KCNIP4: variants seen among roughly 807,000 people sequenced by gnomAD.
KCNIP4 encodes the protein potassium voltage-gated channel interacting protein 4, also known as Kv channel-interacting protein 4.
In KCNIP4, 12 loss-of-function variants were observed where a neutral mutation model predicts 34.0. The ratio of observed to expected loss-of-function variants is 0.35; its 90% CI spans 0.23 to 0.57. The LOEUF (loss-of-function observed/expected upper bound fraction) is 0.57. Among genes scored for constraint, KCNIP4 ranks in the 20% least tolerant of loss-of-function variants. The pLI, the probability that KCNIP4 is intolerant of heterozygous loss-of-function variation, is 0.83. For missense variants in KCNIP4, 238 were observed against 311.7 expected (o/e 0.76, Z 1.78); for synonymous variants, 124 against 102.2 (o/e 1.21, Z -1.29).
chr4:21,116,548 C>T (rs982815558), intron 1 of KCNIP4, among the ~76,000 whole-genome samples: 2 of 152,284 alleles, frequency 1.3e-5, no homozygotes, highest in Non-Finnish European at 1.5e-5. Context: ...TTATGCCTTC[C>T]GTTTTTTTCT....
intron 1 of KCNIP4, among the ~76,000 whole-genome samples, chr4:21,293,862 C>G (rs1206176030): frequency 6.6e-6 from 1 of 152,126 alleles, no homozygotes; most frequent in African/African-American, 2.4e-5. Context: ...GTAGCTTAAT[C>G]TTCATTTACT....
intron 1 of KCNIP4, among the ~76,000 whole-genome samples, chr4:21,904,518 A>G (rs560696482): frequency 6.6e-6 from 1 of 152,302 alleles, no homozygotes; most frequent in African/African-American, 2.4e-5. Context: ...GGCTGATTGA[A>G]CCAGTGTCTC....
chr4:20,754,364 A>G (rs1352982880), intron 4 of KCNIP4, among the ~76,000 whole-genome samples: 1 of 152,176 alleles, frequency 6.6e-6, no homozygotes, highest in Non-Finnish European at 1.5e-5. Context: ...GTTGTGATTT[A>G]TGGACCCATC....
At chr4:20,927,750 G>A (rs761244961) in intron 1 of KCNIP4, among the ~76,000 whole-genome samples, 7 of 151,990 alleles carry the variant, frequency 4.6e-5, no homozygotes, top group Non-Finnish European at 7.4e-5. Flanking sequence ...AATATGTGTC[G>A]GGTTTAGTCA....
intron 7 of KCNIP4, among the ~76,000 whole-genome samples, chr4:20,732,358 T>C (rs1748521970): frequency 6.6e-6 from 1 of 152,196 alleles, no homozygotes; most frequent in Non-Finnish European, 1.5e-5. Context: ...GCTGAAACTT[T>C]CAGAGCTTGC....
At chr4:21,121,141 G>A (rs1485108005) in intron 1 of KCNIP4, among the ~76,000 whole-genome samples, 1 of 152,186 alleles carries the variant, frequency 6.6e-6, no homozygotes, top group Non-Finnish European at 1.5e-5. Flanking sequence ...GGGCAAGGCA[G>A]GAGACATTAC....
chr4:21,166,907 C>T (rs890424040), intron 1 of KCNIP4, among the ~76,000 whole-genome samples: 1 of 129,170 alleles, frequency 7.7e-6, no homozygotes, highest in African/African-American at 3.1e-5. Context: ...CCATTGCACT[C>T]CAGCCTGGGG....
At chr4:21,362,778 T>C (rs75995845) in intron 1 of KCNIP4, among the ~76,000 whole-genome samples, 1 of 152,236 alleles carries the variant, frequency 6.6e-6, no homozygotes, top group East Asian at 1.9e-4. Flanking sequence ...GTATATTGTT[T>C]AACTGAAGGA....
At chr4:21,429,127 G>A (rs1028404812) in intron 1 of KCNIP4, among the ~76,000 whole-genome samples, 22 of 152,068 alleles carry the variant, frequency 1.4e-4, no homozygotes, top group Admixed American at 8.5e-4. Flanking sequence ...TCTGTGCGCC[G>A]CCTATTCATT....
At chr4:21,899,114 T>C (rs1727565768) in intron 1 of KCNIP4, among the ~76,000 whole-genome samples, 1 of 152,196 alleles carries the variant, frequency 6.6e-6, no homozygotes, top group Non-Finnish European at 1.5e-5. Flanking sequence ...ATCCCAGGGA[T>C]GCAAGGATAG....
At chr4:21,108,833 G>T (rs550007224) in intron 1 of KCNIP4, among the ~76,000 whole-genome samples, 9 of 152,186 alleles carry the variant, frequency 5.9e-5, no homozygotes, top group Non-Finnish European at 1.3e-4. Context: ...ACCCTCAGCT[G>T]CAGGTCTGTT....
rs186299335 is a variant in KCNIP4, at chr4:20,831,689, G to A, written c.288+18854C>T. On this transcript the variant is annotated intron_variant, in intron 3 of 8. Coordinates refer to ENST00000382152, the MANE Select transcript of KCNIP4 (RefSeq NM_025221.6). ...TAACATTTATTAATGATAATACAAA[G>A]TATATTCAGTAATAGGCTTGCCTTC... Among the ~76,000 whole-genome samples the A allele has an allele frequency of 5.5e-3, 836 of 152,256 alleles. 5 individuals are homozygous for A. Among genetic ancestry groups the A allele is most frequent in the Non-Finnish European group, 8.8e-3 (597 of 68,022 alleles).
At chr4:21,021,074 G>A (rs1027574046) in intron 1 of KCNIP4, among the ~76,000 whole-genome samples, 2 of 152,166 alleles carry the variant, frequency 1.3e-5, no homozygotes, top group African/African-American at 4.8e-5. Context: ...ACACCTACAC[G>A]ATGTGATATG....
At chr4:21,139,462 T>C (rs1482070367) in intron 1 of KCNIP4, among the ~76,000 whole-genome samples, 2 of 152,218 alleles carry the variant, frequency 1.3e-5, no homozygotes, top group Non-Finnish European at 2.9e-5. Flanking sequence ...CAGATGCCCC[T>C]TCAATGATGG....
At chr4:21,345,492 T>A (rs1717199789) in intron 1 of KCNIP4, among the ~76,000 whole-genome samples, 2 of 152,106 alleles carry the variant, frequency 1.3e-5, no homozygotes, top group African/African-American at 4.8e-5. Flanking sequence ...AATCAAATGA[T>A]TTTCACATCA....
intron 1 of KCNIP4, among the ~76,000 whole-genome samples, chr4:21,670,462 C>A (rs1383876340): frequency 1.3e-5 from 2 of 150,714 alleles, no homozygotes; most frequent in African/African-American, 2.4e-5. Context: ...GGGAGATATA[C>A]CTAATGCTAG....
chr4:21,771,774 T>C (rs910459897), intron 1 of KCNIP4, among the ~76,000 whole-genome samples: 1 of 152,218 alleles, frequency 6.6e-6, no homozygotes, highest in Non-Finnish European at 1.5e-5. Flanking sequence ...TGCACAATGA[T>C]TTTGTATCCT....
At chr4:21,855,867 G>C (rs1273754084) in intron 1 of KCNIP4, among the ~76,000 whole-genome samples, 1 of 152,138 alleles carries the variant, frequency 6.6e-6, no homozygotes, top group African/African-American at 2.4e-5. Context: ...ATTCTATCTA[G>C]TTGGGCTTTT....
chr4:21,619,277 A>T (rs1254853384), intron 1 of KCNIP4, among the ~76,000 whole-genome samples: 1 of 152,222 alleles, frequency 6.6e-6, no homozygotes, highest in East Asian at 1.9e-4. Flanking sequence ...TCCACATTTT[A>T]AAAATCTTGA....
Sources: gnomAD v4.1 joint callset for allele counts (sites outside exome capture counted in the v4.1 genomes callset) on GRCh38, gnomAD v4.1.1 for gene constraint, MANE v1.5 for transcripts, NCBI Gene and HGNC (gene_info 2026-07-23, HGNC 2026-07-21) for gene names.